BAP1: variants seen among roughly 807,000 people sequenced by gnomAD.
The protein encoded by BAP1 is BRCA1 associated deubiquitinase 1, also known as ubiquitin carboxyl-terminal hydrolase BAP1.
In BAP1, 16 loss-of-function variants were observed where a neutral mutation model predicts 77.2. The observed-to-expected ratio is 0.21, with a 90% CI of 0.14 to 0.31. The LOEUF (loss-of-function observed/expected upper bound fraction) is 0.31. Ranked by LOEUF, BAP1 falls within the 10% of genes least tolerant of loss-of-function variation. The pLI is 1.00. For missense variants in BAP1, 699 were observed against 967.3 expected (o/e 0.72, Z 3.68); for synonymous variants, 362 against 385.2 (o/e 0.94, Z 0.71).
intron 4 of BAP1, among the ~76,000 whole-genome samples, 181 bp from the exon 5 acceptor site, chr3:52,408,258 A>G (rs1025857926): frequency 5.3e-5 from 8 of 152,212 alleles, no homozygotes; most frequent in Non-Finnish European, 4.4e-5. Flanking sequence ...TACCCACTGG[A>G]TATCTGAGGA....
At position 52,406,281 on chromosome 3, in the gene BAP1, C is replaced by T. The variant is rs759024400; in HGVS notation, c.755G>A (p.Arg252His). The change falls in exon 9 of 17, where the codon CGT becomes CAT. Residue 252 changes from arginine to histidine, a missense_variant. Transcript: ENST00000460680. This position sits in a 1 kb window ranked among gnomAD's most constrained non-coding sequence, Gnocchi z 4.6. ...CTGCAGAGCCTCTAGTACTGTCTGA[C>T]GGTTCACCTTCAGCACATGCAGCCT... is the stretch of plus-strand genomic sequence containing the variant. ...EARLHVLKVNRQTVLEALQQL... is the reference protein window; with the variant it reads ...EARLHVLKVNHQTVLEALQQL... 4 of 1,614,198 alleles carry T rather than the reference C, an allele frequency of 2.5e-6. No individual in the cohort carries two copies. Among genetic ancestry groups the T allele is most frequent in the Non-Finnish European group, 3.4e-6 (4 of 1,180,036 alleles).
Position 52,404,600 on chromosome 3 carries a change from C to G in BAP1, c.1117-14G>C, listed in dbSNP as rs777485692. 1 of 1,611,350 alleles carries G rather than the reference C, an allele frequency of 6.2e-7. No homozygotes were observed. The highest frequency in any genetic ancestry group is 1.1e-5 in the South Asian group (1 of 90,518). ...GTCTTCTTCCTCCTGGGACAAAGAC[C>G]AGGGCAGTTACAAACAAGTGCTGCT... is the stretch of plus-strand genomic sequence containing the variant. On this transcript the variant is annotated splice_polypyrimidine_tract_variant and intron_variant, in intron 11 of 16. Coordinates refer to ENST00000460680, the MANE Select transcript of BAP1 (RefSeq NM_004656.4).
chr3:52,403,990 G>A lies in BAP1; in HGVS notation c.1251-96C>T. On this transcript the variant is annotated intron_variant, in intron 12 of 16. Coordinates refer to ENST00000460680, the MANE Select transcript of BAP1 (RefSeq NM_004656.4). The surrounding 1 kb of genome is among the most constrained non-coding windows in gnomAD (Gnocchi z 4.0). ...CTTAAATACATCCCGACCTCCAGGGGCTGACCCTAAAACTCCTTATACTTG... is the reference window on the plus strand; with the variant it reads ...CTTAAATACATCCCGACCTCCAGGGACTGACCCTAAAACTCCTTATACTTG... The A allele has an allele frequency of 7.6e-7, 1 of 1,319,454 alleles. No homozygotes were observed. Among genetic ancestry groups the A allele is most frequent in the East Asian group, 2.3e-5 (1 of 43,246 alleles). 81.7% of individuals were successfully genotyped at this position (1,319,454 alleles called of 1,614,324 possible).
chr3:52,402,222 G>T lies in BAP1; in HGVS notation c.*66C>A. 1 of 1,569,416 alleles carries T rather than the reference G, an allele frequency of 6.4e-7. No individual in the cohort carries two copies. The highest frequency in any genetic ancestry group is 2.3e-5 in the East Asian group (1 of 43,648). Reference sequence around the variant, plus strand: ...GTAATACTGGGAAAAGGGGAAGTGGGGCAGGGAAGGACCCTGGTGAGGGCC... The same window carrying T: ...GTAATACTGGGAAAAGGGGAAGTGGTGCAGGGAAGGACCCTGGTGAGGGCC... On this transcript the variant is annotated 3_prime_UTR_variant, in exon 17 of 17. Coordinates refer to ENST00000460680, the MANE Select transcript of BAP1 (RefSeq NM_004656.4). The surrounding 1 kb of genome is among the most constrained non-coding windows in gnomAD (Gnocchi z 5.3).
Position 52,403,004 on chromosome 3 carries a change from A to G in BAP1, c.1891-133T>C. On this transcript the variant is annotated intron_variant, in intron 14 of 16. Transcript: ENST00000460680. This position sits in a 1 kb window ranked among gnomAD's most constrained non-coding sequence, Gnocchi z 4.0. Reference sequence around the variant, plus strand: ...GGCCCCTGCCACCACCCAACCCAGAAAGTCTTCTGGCACATGGCTCCAGCC... The same window carrying G: ...GGCCCCTGCCACCACCCAACCCAGAGAGTCTTCTGGCACATGGCTCCAGCC... 5 of 1,597,310 alleles carry G rather than the reference A, an allele frequency of 3.1e-6. No individual in the cohort carries two copies. The highest frequency in any genetic ancestry group is 8.5e-7 in the Non-Finnish European group (1 of 1,176,714).
chr3:52,402,332 C>G lies in BAP1; in HGVS notation c.2146G>C (p.Asp716His), dbSNP rs1704982728. ...IGRLHKQRKP[D>H]RRKRSRPYKA... ...TAGGGGCGAGAGCGTTTCCGCCGGT[C>G]AGGCTTCCGCTGCTTGTGGAGCCGG... Residue 716 changes from aspartate to histidine, a missense_variant, in exon 17 of 17, where the codon GAC (aspartate) becomes CAC (histidine). Asp to His is a moderately conservative substitution (Grantham distance 81). Transcript: ENST00000460680. This position sits in a 1 kb window ranked among gnomAD's most constrained non-coding sequence, Gnocchi z 5.3. 6.3e-7 allele frequency: 1 copy of G among 1,592,000 alleles called. No individual in the cohort carries two copies. The highest frequency in any genetic ancestry group is 2.3e-5 in the East Asian group (1 of 44,092).
chr3:52,405,489 GAAGAAAA>G (rs1559588822), intron 10 of BAP1, 195 bp from the exon 11 acceptor site: 60 of 56,688 alleles, frequency 1.1e-3, no homozygotes, highest in Middle Eastern at 9.3e-3. Flanking sequence ...AAAGAAGCAG[GAAGAAAA>G]AAAAAAAAAA....
At chr3:52,405,486 C>T in intron 10 of BAP1, 192 bp from the exon 11 acceptor site, 1 of 57,466 alleles carries the variant, frequency 1.7e-5, no homozygotes, top group Non-Finnish European at 3.0e-5. Context: ...AAAAAAGAAG[C>T]AGGAAGAAAA....
intron 4 of BAP1, among the ~76,000 whole-genome samples, 172 bp downstream of exon 4, chr3:52,408,302 A>T (rs1440432681): frequency 3.9e-5 from 6 of 152,158 alleles, no homozygotes; most frequent in Non-Finnish European, 7.4e-5. Context: ...CTCCTACTCT[A>T]AAGCTGTTCC....
Position 52,403,796 on chromosome 3 carries a change from T to C in BAP1, c.1349A>G (p.Glu450Gly), listed in dbSNP as rs1459047463. The change falls in exon 13 of 17, where the codon GAG becomes GGG. Residue 450 changes from glutamate (E) to glycine (G), a missense_variant. Around this residue, in one of 3 missense-constraint regions of BAP1, gnomAD observed 475 missense variants for 532.4 expected, o/e 0.89. Coordinates refer to ENST00000460680, the MANE Select transcript of BAP1 (RefSeq NM_004656.4). The surrounding 1 kb of genome is among the most constrained non-coding windows in gnomAD (Gnocchi z 4.0). ...GTCCTTCTGGGACTCTTTGAGCTTC[T>C]CAGCCAAGACGTTGATGGTGTTGGG... The part of the protein sequence containing the change: ...LQPNTINVLA[E>G]KLKESQKDLS... 1 of 1,613,976 alleles carries C rather than the reference T, an allele frequency of 6.2e-7. No homozygotes were observed. The highest frequency in any genetic ancestry group is 8.5e-7 in the Non-Finnish European group (1 of 1,180,034).
chr3:52,406,589 A>G lies in BAP1; in HGVS notation c.660-213T>C, dbSNP rs1578225506. The G allele has an allele frequency of 5.5e-6, 5 of 913,440 alleles. No individual in the cohort carries two copies. The highest frequency in any genetic ancestry group is 5.3e-5 in the East Asian group (2 of 38,000). The allele number at this position is 913,440 out of a possible 1,614,324, so 56.6% of individuals were successfully genotyped here. ...TGAGGGGCCTATCTGGAAGTGAACC[A>G]GCAGACCTGGGCTGCCTAAGGCTCC... On this transcript the variant is annotated intron_variant, in intron 8 of 16. Coordinates refer to ENST00000460680, the MANE Select transcript of BAP1 (RefSeq NM_004656.4). The surrounding 1 kb of genome is among the most constrained non-coding windows in gnomAD (Gnocchi z 4.6).
intron 3 of BAP1, 52 bp from the exon 4 acceptor site, chr3:52,408,658 A>G (rs747028513): frequency 8.2e-6 from 13 of 1,576,314 alleles, no homozygotes; most frequent in Middle Eastern, 3.3e-4. Context: ...GAAGACAATC[A>G]GCATTCCCTT....
rs772822912 is a variant in BAP1 at position 52,409,542 on chromosome 3, A to G, written c.122+12T>C. On this transcript the variant is annotated intron_variant, in intron 3 of 16. Transcript: ENST00000460680. ...TGGGTGTAAGGGGCAGCCCTGGTGT[A>G]CAGCCACTCACCCCTGACATTTGCT... is the stretch of plus-strand genomic sequence containing the variant. The G allele has an allele frequency of 3.1e-6, 5 of 1,614,008 alleles. No homozygotes were observed. Among genetic ancestry groups the G allele is most frequent in the Non-Finnish European group, 4.2e-6 (5 of 1,179,994 alleles).
intron 11 of BAP1, among the ~76,000 whole-genome samples, chr3:52,404,854 C>A (rs531904353): frequency 5.9e-5 from 9 of 152,302 alleles, no homozygotes; most frequent in Admixed American, 5.9e-4. Flanking sequence ...GAAGTTGTAC[C>A]AAGGAGCGTG....
Position 52,405,955 on chromosome 3 carries a change from G to A in BAP1, c.784-43C>T, listed in dbSNP as rs374492723. The A allele has an allele frequency of 2.9e-5, 47 of 1,612,192 alleles. 1 individual carries two copies. In the Middle Eastern group the frequency reaches 5.3e-4, roughly 18 times the overall value. On this transcript the variant is annotated intron_variant, in intron 9 of 16. Coordinates refer to ENST00000460680, the MANE Select transcript of BAP1 (RefSeq NM_004656.4). ...GGCTCAGAGGAGAAAGGGTAGACCCGGGCTTCTACCTTAAATAGCTAAGGG... is the reference window on the plus strand; with the variant it reads ...GGCTCAGAGGAGAAAGGGTAGACCCAGGCTTCTACCTTAAATAGCTAAGGG...
At chr3:52,405,647 G>T in intron 10 of BAP1, 118 bp downstream of exon 10, 2 of 1,460,480 alleles carry the variant, frequency 1.4e-6, no homozygotes. Flanking sequence ...ACCTTCTGAC[G>T]GGGGAAGAAC....
chr3:52,403,756 C>G lies in BAP1; in HGVS notation c.1389G>C (p.Leu463=), dbSNP rs1064795208. The change falls in exon 13 of 17, where the codon CTG becomes CTC. Residue 463 remains leucine, a synonymous_variant. Coordinates refer to ENST00000460680, the MANE Select transcript of BAP1 (RefSeq NM_004656.4). This position sits in a 1 kb window ranked among gnomAD's most constrained non-coding sequence, Gnocchi z 4.0. Reference sequence around the variant, plus strand: ...CAGCCCCGCTGCTAGTCTTGATGGACAGAGGAATTGAGAGGTCCTTCTGGG... The same window carrying G: ...CAGCCCCGCTGCTAGTCTTGATGGAGAGAGGAATTGAGAGGTCCTTCTGGG... The part of the protein sequence containing the change: ...KESQKDLSIP[L]SIKTSSGAGS... 1 of 1,614,076 alleles carries G rather than the reference C, an allele frequency of 6.2e-7. No individual in the cohort carries two copies. Among genetic ancestry groups the G allele is most frequent in the Non-Finnish European group, 8.5e-7 (1 of 1,180,028 alleles).
chr3:52,407,594 G>A lies in BAP1; in HGVS notation c.376-134C>T, dbSNP rs1705208522. The stretch of plus-strand genomic sequence containing the variant: ...GGAACACAGACGAACTTTCTTAAAA[G>A]GCTGGTGGGGGCAGAAAAGAGCTCT... On this transcript the variant is annotated intron_variant, in intron 5 of 16. Transcript: ENST00000460680. 5.7e-6 allele frequency: 7 copies of A among 1,235,756 alleles called. No homozygotes were observed. In the South Asian group the frequency reaches 6.3e-5, roughly 11 times the overall value. The allele number at this position is 1,235,756 out of a possible 1,614,324, so 76.5% of individuals were successfully genotyped here.
Position 52,406,980 on chromosome 3 carries a change from G to A in BAP1, c.581-73C>T. The A allele has an allele frequency of 6.6e-7, 1 of 1,513,460 alleles. No individual in the cohort carries two copies. The highest frequency in any genetic ancestry group is 9.0e-7 in the Non-Finnish European group (1 of 1,111,306). 93.8% of individuals were successfully genotyped at this position (1,513,460 alleles called of 1,614,324 possible). A position where few individuals can be genotyped will look rare whatever the true frequency, so the allele number is the denominator to read the frequency against. ...TGGGCAGGCCAGGAGTGGGAAGGAA[G>A]ACAGAGAAGAGCAGTTGAGCCAGGG... On this transcript the variant is annotated intron_variant, in intron 7 of 16. Coordinates refer to ENST00000460680, the MANE Select transcript of BAP1 (RefSeq NM_004656.4). This position sits in a 1 kb window ranked among gnomAD's most constrained non-coding sequence, Gnocchi z 4.6.
Sources: gnomAD v4.1 joint callset for allele counts (sites outside exome capture counted in the v4.1 genomes callset) on GRCh38, gnomAD v4.1.1 for gene constraint, gnomAD v4.1.1 regional missense constraint, Gnocchi (gnomAD v3.1) non-coding constraint, MANE v1.5 for transcripts, NCBI Gene and HGNC (gene_info 2026-07-23, HGNC 2026-07-21) for gene names.